Variants in SNX18 observed in about 807,000 individuals in gnomAD.
SNX18 encodes the protein sorting nexin-18.
In SNX18, 35 loss-of-function variants were observed where a neutral mutation model predicts 48.7. The ratio of observed to expected loss-of-function variants is 0.72; its 90% CI spans 0.55 to 0.95. The LOEUF (loss-of-function observed/expected upper bound fraction) is 0.95, where lower values mean the gene tolerates loss of function less well. Among genes scored for constraint, SNX18 ranks in the 40% least tolerant of loss-of-function variants. SNX18 has a pLI of 0.00. For missense variants in SNX18, 824 were observed against 871.0 expected, an observed-to-expected ratio of 0.95 and a Z score of 0.68; for synonymous variants, 492 against 384.7, an observed-to-expected ratio of 1.28 and a Z score of -3.26.
chr5:54,588,614 A>G, the SNX18 span, among the ~76,000 whole-genome samples: 1 of 152,150 alleles, frequency 6.6e-6, no homozygotes, highest in Non-Finnish European at 1.5e-5. Flanking sequence ...GGCGTGAGCC[A>G]CCGCACCCAG....
chr5:54,529,054 C>T (rs1477053098), intron 1 of SNX18, among the ~76,000 whole-genome samples: 1 of 152,070 alleles, frequency 6.6e-6, no homozygotes, highest in Non-Finnish European at 1.5e-5. Context: ...AATGGGGTGC[C>T]GACATGGCCA....
At chr5:54,585,786 G>A in the SNX18 span, among the ~76,000 whole-genome samples, 2 of 152,002 alleles carry the variant, frequency 1.3e-5, no homozygotes, top group Admixed American at 6.6e-5. Flanking sequence ...GGCGGATCAC[G>A]AGGTCAGGAG....
At chr5:54,594,254 A>G in the SNX18 span, among the ~76,000 whole-genome samples, 1 of 152,246 alleles carries the variant, frequency 6.6e-6, no homozygotes, top group Non-Finnish European at 1.5e-5. Context: ...CAGTCTTTGC[A>G]TGGAGCCAGG....
At chr5:54,630,876 C>T in the SNX18 span, among the ~76,000 whole-genome samples, 1 of 151,362 alleles carries the variant, frequency 6.6e-6, no homozygotes, top group Non-Finnish European at 1.5e-5. Context: ...GACATGCCAG[C>T]CAACATCTGG....
At chr5:54,619,272 A>G in the SNX18 span, among the ~76,000 whole-genome samples, 12 of 152,288 alleles carry the variant, frequency 7.9e-5, 1 homozygote, top group East Asian at 2.3e-3. Flanking sequence ...GCACTTTGGG[A>G]AGCTGAGGTA....
the SNX18 span, among the ~76,000 whole-genome samples, chr5:54,580,131 A>G: frequency 2.6e-5 from 4 of 151,896 alleles, no homozygotes; most frequent in Non-Finnish European, 4.4e-5. Flanking sequence ...GAGAGAGAGA[A>G]AGAGCAAGAG....
At chr5:54,527,358 C>CGGG (rs11355195) in intron 1 of SNX18, among the ~76,000 whole-genome samples, 266 of 140,626 alleles carry the variant, frequency 1.9e-3, no homozygotes, top group Admixed American at 2.9e-3. Flanking sequence ...GTCGGGGAGC[C>CGGG]GGGGGGGGGG....
chr5:54,534,241 T>C (rs1284444356), intron 1 of SNX18, among the ~76,000 whole-genome samples: 1 of 151,504 alleles, frequency 6.6e-6, no homozygotes, highest in Non-Finnish European at 1.5e-5. Flanking sequence ...TTTTTTCTTT[T>C]TTTTTTTTTT....
At chr5:54,523,685 T>C (rs1762074845) in intron 1 of SNX18, among the ~76,000 whole-genome samples, 1 of 152,228 alleles carries the variant, frequency 6.6e-6, no homozygotes, top group South Asian at 2.1e-4. Flanking sequence ...GAGCCTTTTT[T>C]CAATAAAAGC....
chr5:54,627,730 T>C, the SNX18 span, among the ~76,000 whole-genome samples: 4 of 152,098 alleles, frequency 2.6e-5, no homozygotes, highest in Non-Finnish European at 2.9e-5. Flanking sequence ...CCAAGCTGTG[T>C]GCTTGACCTG....
chr5:54,611,275 A>T, the SNX18 span, among the ~76,000 whole-genome samples: 1 of 152,100 alleles, frequency 6.6e-6, no homozygotes, highest in Admixed American at 6.6e-5. Flanking sequence ...AACATCTTCA[A>T]GGTAGCCCTA....
chr5:54,550,590 T>G (rs1486220025), downstream of SNX18, among the ~76,000 whole-genome samples: 3 of 152,154 alleles, frequency 2.0e-5, no homozygotes, highest in South Asian at 4.1e-4. Context: ...GGTAGATGAT[T>G]ATTATTATTT....
the SNX18 span, among the ~76,000 whole-genome samples, chr5:54,557,016 A>G: frequency 1.3e-5 from 2 of 152,228 alleles, no homozygotes; most frequent in African/African-American, 4.8e-5. Flanking sequence ...TGTTTTGCTT[A>G]GGTTAATATT....
chr5:54,609,145 C>T, the SNX18 span, among the ~76,000 whole-genome samples: 41 of 152,324 alleles, frequency 2.7e-4, 1 homozygote, highest in Non-Finnish European at 5.4e-4. Flanking sequence ...TGTTCCATAA[C>T]TACTCTGTCC....
At chr5:54,571,611 A>G in the SNX18 span, among the ~76,000 whole-genome samples, 1 of 152,214 alleles carries the variant, frequency 6.6e-6, no homozygotes, top group East Asian at 1.9e-4. Context: ...TTTTCCAAAT[A>G]CTTGGGAGGT....
chr5:54,619,052 G>C, the SNX18 span, among the ~76,000 whole-genome samples: 3 of 152,130 alleles, frequency 2.0e-5, no homozygotes, highest in Non-Finnish European at 4.4e-5. Context: ...AAAATAATTA[G>C]GCATAGACAG....
intron 1 of SNX18, among the ~76,000 whole-genome samples, chr5:54,521,563 T>C (rs1026632659): frequency 2.0e-5 from 3 of 151,666 alleles, no homozygotes; most frequent in Admixed American, 1.3e-4. Flanking sequence ...TAGCGTGGCA[T>C]GGTGGCTCAT....
chr5:54,621,812 C>T, the SNX18 span, among the ~76,000 whole-genome samples: 1 of 152,206 alleles, frequency 6.6e-6, no homozygotes, highest in East Asian at 1.9e-4. Flanking sequence ...CAAAAGCAGC[C>T]TAGTCAACCC....
the SNX18 span, among the ~76,000 whole-genome samples, chr5:54,566,166 C>T: frequency 1.4e-4 from 21 of 152,190 alleles, no homozygotes; most frequent in African/African-American, 4.8e-4. Context: ...GTTTGCTCTG[C>T]CCTAGAATTC....
Sources: gnomAD v4.1 joint callset for allele counts (sites outside exome capture counted in the v4.1 genomes callset) on GRCh38, gnomAD v4.1.1 for gene constraint, MANE v1.5 for transcripts, NCBI Gene and HGNC (gene_info 2026-07-23, HGNC 2026-07-21) for gene names.